The following GRHL3 variants were observed in gnomAD, a reference collection of about 807,000 sequenced individuals.
GRHL3 encodes the protein grainyhead like transcription factor 3.
Under a neutral mutation model 70.3 loss-of-function variants are expected in GRHL3, and 20 were observed. The ratio of observed to expected loss-of-function variants is 0.28; its 90% CI spans 0.20 to 0.41. GRHL3 has a LOEUF of 0.41. Ranked by LOEUF, GRHL3 falls within the 10% of genes least tolerant of loss-of-function variation. The probability of loss-of-function intolerance (pLI) is 1.00; values close to 1 mark genes in which losing one functional copy is unlikely to be tolerated. For synonymous variants in GRHL3, 299 were observed against 299.9 expected, an observed-to-expected ratio of 1.00 and a Z score of 0.03; for missense variants, 637 against 762.3, an observed-to-expected ratio of 0.84 and a Z score of 1.94.
chr1:24,344,475 T>C (rs1277920975), intron 11 of GRHL3, among the ~76,000 whole-genome samples: 1 of 121,718 alleles, frequency 8.2e-6, no homozygotes, highest in Non-Finnish European at 1.6e-5. Flanking sequence ...TGGGAGACTC[T>C]TTCCCCCCAG....
rs1202538444 is a variant in GRHL3, at chr1:24,336,588, G to C, written c.373G>C (p.Asp125His). 1 of 1,614,070 alleles carries C rather than the reference G, an allele frequency of 6.2e-7. No individual in the cohort carries two copies. Among genetic ancestry groups the C allele is most frequent in the Non-Finnish European group, 8.5e-7 (1 of 1,179,976 alleles). ...ENVSGTPEYP[D>H]LLKKNNLMSL... is the part of the protein sequence containing the mutation. ...CGTGTCTGGAACCCCAGAGTACCCA[G>C]ATTTGCTCAAGAAGAATAACCTGAT... Residue 125 changes from aspartate (D) to histidine (H), a missense_variant, in exon 4 of 16, where the codon GAT (aspartate) becomes CAT (histidine). Transcript: ENST00000361548.
At chr1:24,360,441 G>C (rs780261657) in intron 15 of GRHL3, among the ~76,000 whole-genome samples, 2 of 152,160 alleles carry the variant, frequency 1.3e-5, no homozygotes, top group South Asian at 4.1e-4. Context: ...GCGAGACTCC[G>C]TCTCAAAAAA....
chr1:24,323,193 G>A (rs2148644845), intron 1 of GRHL3: 5 of 888,486 alleles, frequency 5.6e-6, no homozygotes, highest in Middle Eastern at 2.2e-4. Context: ...GGGAAGAGAG[G>A]GAGTCATTAT....
rs41268749 is a variant in GRHL3 at position 24,337,164 on chromosome 1, C to T, written c.686+13C>T. 20,298 of 1,605,330 alleles carry T rather than the reference C, an allele frequency of 0.013. 162 individuals carry two copies. The highest frequency in any genetic ancestry group is 0.015 in the Non-Finnish European group (17,102 of 1,172,512). The stretch of plus-strand genomic sequence containing the variant: ...CCAGCCTCAAAAGGTAACTTGGTCT[C>T]CCTGGACCCTCAGACACCTGGGCAG... On this transcript the variant is annotated intron_variant, in intron 5 of 15. Transcript: ENST00000361548.
intron 2 of GRHL3, among the ~76,000 whole-genome samples, chr1:24,333,194 TC>T (rs1639673173): frequency 6.6e-6 from 1 of 152,156 alleles, no homozygotes; most frequent in Non-Finnish European, 1.5e-5. Flanking sequence ...TGCCCTGGCC[TC>T]CCCATTCCAG....
Position 24,341,244 on chromosome 1 carries a change from G to T in GRHL3, c.1048-871G>T, listed in dbSNP as rs1640024810. Among the ~76,000 whole-genome samples, 4 of 152,172 alleles carry T rather than the reference G, an allele frequency of 2.6e-5. No individual in the cohort carries two copies. In the South Asian group the frequency reaches 8.3e-4, roughly 31 times the overall value. The stretch of plus-strand genomic sequence containing the variant: ...CAGTTGGGCATAGGCTTTGGGATGA[G>T]ACTTCCAGCTGTCCCTCTCATGGCA... On this transcript the variant is annotated intron_variant, in intron 8 of 15. Transcript: ENST00000361548.
In GRHL3 at chr1:24,321,363, A is replaced by G. The variant is rs1394947892; in HGVS notation, c.17+1795A>G. ...CCACCATTTGAGATTACAGTGGCAGAGCCTGGGGGCTCAGCTGCCCCTACT... is the reference window on the plus strand; with the variant it reads ...CCACCATTTGAGATTACAGTGGCAGGGCCTGGGGGCTCAGCTGCCCCTACT... On this transcript the variant is annotated intron_variant, in intron 1 of 15. Transcript: ENST00000361548. The surrounding 1 kb of genome is among the most constrained non-coding windows in gnomAD (Gnocchi z 4.0). 1.3e-5 allele frequency among the ~76,000 whole-genome samples: 2 copies of G among 152,218 alleles called. No homozygotes were observed. Among genetic ancestry groups the G allele is most frequent in the Non-Finnish European group, 2.9e-5 (2 of 68,030 alleles).
intron 3 of GRHL3, 118 bp from the exon 4 acceptor site, chr1:24,336,364 A>T: frequency 1.5e-6 from 1 of 664,350 alleles, no homozygotes; most frequent in Non-Finnish European, 2.6e-6. Context: ...TGCATGCTGG[A>T]TGGACCTAAA....
intron 11 of GRHL3, 33 bp downstream of exon 11, chr1:24,343,058 C>T (rs202039680): frequency 1.5e-5 from 24 of 1,613,400 alleles, no homozygotes; most frequent in Admixed American, 3.3e-5. Context: ...GGGAAGGAGC[C>T]GAGAGAGGGT....
At chr1:24,364,082 G>A in intron 15 of GRHL3, 1 of 1,425,744 alleles carries the variant, frequency 7.0e-7, no homozygotes, top group Non-Finnish European at 9.2e-7. Context: ...ACACAACACA[G>A]TTCAGCAACT....
Position 24,322,670 on chromosome 1 carries a change from G to C in GRHL3, c.17+3102G>C, listed in dbSNP as rs1639244727. ...TGCGCAGTCCCAGCAGTGAGTGGCC[G>C]CAGCCAGGCGGTCGGCAGAGCTCCC... is the stretch of plus-strand genomic sequence containing the variant. On this transcript the variant is annotated intron_variant, in intron 1 of 15. Transcript: ENST00000361548. This position sits in a 1 kb window ranked among gnomAD's most constrained non-coding sequence, Gnocchi z 4.4. 6.6e-6 allele frequency among the ~76,000 whole-genome samples: 1 copy of C among 152,232 alleles called. No homozygotes were observed.
At chr1:24,358,668 G>T, downstream of GRHL3, 1 of 1,438,788 alleles carries the variant, frequency 7.0e-7, no homozygotes, top group Non-Finnish European at 9.7e-7. Flanking sequence ...AAGGCCCATT[G>T]CTGCAGTCTC....
At chr1:24,355,498 A>C (rs974864108), downstream of GRHL3, among the ~76,000 whole-genome samples, 1 of 152,174 alleles carries the variant, frequency 6.6e-6, no homozygotes, top group Admixed American at 6.5e-5. Context: ...CCCCTCTGGA[A>C]GGCAGCAGAT....
At chr1:24,336,253 C>T (rs1639806322) in intron 3 of GRHL3, among the ~76,000 whole-genome samples, 1 of 149,792 alleles carries the variant, frequency 6.7e-6, no homozygotes, top group East Asian at 2.0e-4. Context: ...ATGGATAAAA[C>T]AGATGTTGCT....
chr1:24,364,220 A>ACC lies in GRHL3; in HGVS notation c.1735_1736dup (p.Pro580HisfsTer11). ...CTCCTCCACCCACGCCTGTCTCGCC[A>ACC]CCCCCCACCTGACTGTCTTGAATGT... On this transcript the variant is annotated frameshift_variant, in exon 16 of 16. Transcript: ENST00000350501. LOFTEE classifies it low-confidence loss of function (END_TRUNC). 1 of 1,539,916 alleles carries ACC rather than the reference A, an allele frequency of 6.5e-7. No individual in the cohort carries two copies. Among genetic ancestry groups the ACC allele is most frequent in the African/African-American group, 1.4e-5 (1 of 72,624 alleles).
At chr1:24,339,865 C>T (rs555090204) in intron 8 of GRHL3, 103 bp downstream of exon 8, 36 of 675,442 alleles carry the variant, frequency 5.3e-5, no homozygotes, top group South Asian at 4.6e-4. Flanking sequence ...TTTGCTCCGA[C>T]GAGGGCACTC....
chr1:24,340,670 G>C (rs920081554), intron 8 of GRHL3, among the ~76,000 whole-genome samples: 1 of 152,202 alleles, frequency 6.6e-6, no homozygotes, highest in African/African-American at 2.4e-5. Context: ...TTTCTGGCCT[G>C]GAGAGGCTGG....
At chr1:24,351,924 G>A (rs1022546431) in intron 15 of GRHL3, among the ~76,000 whole-genome samples, 1 of 152,218 alleles carries the variant, frequency 6.6e-6, no homozygotes, top group East Asian at 1.9e-4. Context: ...AAGGTCATGA[G>A]TTAGGAACTG....
At chr1:24,346,260 A>G (rs902290219) in intron 12 of GRHL3, among the ~76,000 whole-genome samples, 2 of 152,132 alleles carry the variant, frequency 1.3e-5, no homozygotes, top group African/African-American at 4.8e-5. Context: ...GTGGCCTCAC[A>G]TCCCTCTATG....
Sources: allele counts gnomAD v4.1 joint callset (sites outside exome capture counted in the v4.1 genomes callset), GRCh38; gene constraint gnomAD v4.1.1; non-coding constraint Gnocchi (gnomAD v3.1); transcripts MANE v1.5; gene names NCBI Gene and HGNC (gene_info 2026-07-23, HGNC 2026-07-21).